The following ZNF266 variants were observed in gnomAD, a reference collection of about 807,000 sequenced individuals.
ZNF266 encodes the protein zinc finger protein 266.
Under a neutral mutation model 16.4 loss-of-function variants are expected in ZNF266, and 16 were observed. The observed-to-expected ratio is 0.98, with a 90% CI of 0.66 to 1.48. The LOEUF is 1.48. Ranked by LOEUF, ZNF266 falls within the 40% of genes most tolerant of loss-of-function variation. The probability of loss-of-function intolerance (pLI) is 0.00; values close to 1 mark genes in which losing one functional copy is unlikely to be tolerated. For missense variants in ZNF266, 738 were observed against 689.1 expected (o/e 1.07, Z -0.79); for synonymous variants, 262 against 237.9 (o/e 1.10, Z -0.93).
Position 9,413,474 on chromosome 19 carries a change from C to T in ZNF266, c.1652G>A (p.Arg551Gln), listed in dbSNP as rs199586267. The change falls in exon 11 of 11, where the codon CGG becomes CAG. Residue 551 changes from arginine (R) to glutamine (Q), a missense_variant. By Grantham distance (43) the Arg-to-Gln change is conservative. Coordinates refer to ENST00000592904, the MANE Select transcript of ZNF266 (RefSeq NM_001370374.1). ...GTAGGGTTTTTCTCCAGTGTGGATC[C>T]GCATGTGAAGGTTAACACACGTGGG... ...KFPTCVNLHM[R>Q]IHTGEKPYKC... 9.5e-5 allele frequency: 153 copies of T among 1,611,722 alleles called. No individual in the cohort carries two copies. Among genetic ancestry groups the T allele is most frequent in the Non-Finnish European group, 1.1e-4 (134 of 1,178,720 alleles).
Position 9,418,014 on chromosome 19 carries a change from TA to T in ZNF266, c.236-107del, listed in dbSNP as rs2069321684. ...TCCAATGGAAGCAGTGAAATTATTT[TA>T]AAAGGGCTAAAAATGCAAATATCGT... On this transcript the variant is annotated intron_variant, in intron 8 of 10. Coordinates refer to ENST00000592904, the MANE Select transcript of ZNF266 (RefSeq NM_001370374.1). 4.3e-6 allele frequency: 5 copies of T among 1,155,898 alleles called. No individual in the cohort carries two copies. In the East Asian group the frequency reaches 7.2e-5, roughly 17 times the overall value. The allele number at this position is 1,155,898 out of a possible 1,614,324, so 71.6% of individuals were successfully genotyped here.
intron 9 of ZNF266, among the ~76,000 whole-genome samples, chr19:9,416,434 G>T (rs2069013003): frequency 6.7e-6 from 1 of 150,132 alleles, no homozygotes; most frequent in Non-Finnish European, 1.5e-5. Context: ...AACAATCTCG[G>T]CTCACTGCAA....
At chr19:9,416,923 A>C (rs2069122615) in intron 9 of ZNF266, among the ~76,000 whole-genome samples, 1 of 151,506 alleles carries the variant, frequency 6.6e-6, no homozygotes, top group Non-Finnish European at 1.5e-5. Context: ...TGCCCGCCTC[A>C]GCCTCCCAAA....
chr19:9,416,569 G>A (rs928800002), intron 9 of ZNF266, among the ~76,000 whole-genome samples: 1 of 150,298 alleles, frequency 6.7e-6, no homozygotes, highest in African/African-American at 2.5e-5. Flanking sequence ...TCAGCATGTT[G>A]GCCATGCTGG....
rs534810002 is a variant in ZNF266, at chr19:9,418,061, T to C, written c.236-153A>G. ...ATCGTCTGTCTGTGCCCCCAAAAGA[T>C]TGGTGATCTCTGATCCCTGAAGCCC... On this transcript the variant is annotated intron_variant, in intron 8 of 10. Coordinates refer to ENST00000592904, the MANE Select transcript of ZNF266 (RefSeq NM_001370374.1). Among the ~76,000 whole-genome samples the C allele has an allele frequency of 1.3e-4, 20 of 152,328 alleles. 1 individual carries two copies. Among genetic ancestry groups the C allele is most frequent in the South Asian group, 1.0e-3 (5 of 4,824 alleles).
Position 9,418,500 on chromosome 19 carries a change from C to G in ZNF266, c.235+5G>C. ...GTAGGCTACAAGGGATGAGGCCAGT[C>G]TTACCTACTGTGGCCAAATTCTTGT... On this transcript the variant is annotated splice_donor_5th_base_variant and intron_variant, in intron 8 of 10. Transcript: ENST00000592904. The G allele has an allele frequency of 6.2e-7, 1 of 1,614,166 alleles. No individual in the cohort carries two copies. The highest frequency in any genetic ancestry group is 8.5e-7 in the Non-Finnish European group (1 of 1,179,990).
Position 9,413,273 on chromosome 19 carries a change from C to A in ZNF266, c.*2G>T. The A allele has an allele frequency of 6.4e-7, 1 of 1,572,030 alleles. No individual in the cohort carries two copies. The highest frequency in any genetic ancestry group is 2.2e-5 in the East Asian group (1 of 44,610). On this transcript the variant is annotated 3_prime_UTR_variant, in exon 11 of 11. Coordinates refer to ENST00000592904, the MANE Select transcript of ZNF266 (RefSeq NM_001370374.1). Reference sequence around the variant, plus strand: ...GGACACCTTTAGGTTTTCCCACATTCCTTATGCTGACAGTCTCTCATCCGC... The same window carrying A: ...GGACACCTTTAGGTTTTCCCACATTACTTATGCTGACAGTCTCTCATCCGC...
rs772502342 is a variant in ZNF266, at chr19:9,417,860, T to TCTTC, written c.280_283dup (p.Glu95GlyfsTer4). ...ATCACCTCTCTGCACTGTCCTAGAC[T>TCTTC]CTTCTTGTTCCAGCCAAGAGATCAG... On this transcript the variant is annotated frameshift_variant, in exon 9 of 11. Coordinates refer to ENST00000592904, the MANE Select transcript of ZNF266 (RefSeq NM_001370374.1). LOFTEE classifies it high-confidence loss of function. 8.1e-6 allele frequency: 13 copies of TCTTC among 1,614,142 alleles called. No individual in the cohort carries two copies. The highest frequency in any genetic ancestry group is 1.1e-5 in the Non-Finnish European group (13 of 1,179,996).
intron 9 of ZNF266, among the ~76,000 whole-genome samples, chr19:9,416,062 T>C (rs565071630): frequency 6.6e-6 from 1 of 152,234 alleles, no homozygotes; most frequent in African/African-American, 2.4e-5. Context: ...GACCTCGTGA[T>C]CCACACGCCT....
chr19:9,427,431 T>C (rs576489176), intron 5 of ZNF266, among the ~76,000 whole-genome samples: 5 of 152,174 alleles, frequency 3.3e-5, no homozygotes, highest in African/African-American at 9.6e-5. Flanking sequence ...AGGGATTCTA[T>C]TGCCTCAGCC....
chr19:9,421,839 G>A (rs1300647707), intron 5 of ZNF266, among the ~76,000 whole-genome samples: 1 of 142,150 alleles, frequency 7.0e-6, no homozygotes, highest in East Asian at 2.0e-4. Flanking sequence ...TATTTTTGGA[G>A]CAACAAAACC....
Position 9,413,513 on chromosome 19 carries a change from T to C in ZNF266, c.1613A>G (p.Lys538Arg), listed in dbSNP as rs552878304. Residue 538 changes from lysine to arginine, a missense_variant, in exon 11 of 11, where the codon AAA becomes AGA. Physicochemically the swap from Lys to Arg is conservative, Grantham distance 26. Coordinates refer to ENST00000592904, the MANE Select transcript of ZNF266 (RefSeq NM_001370374.1). ...AACACACGTGGGAAACTTAAAAGCT[T>C]TGCCACATTCCATACACGTGAATGG... ...KKPFTCMECG[K>R]AFKFPTCVNL... The C allele has an allele frequency of 1.2e-6, 2 of 1,613,236 alleles. No homozygotes were observed. The highest frequency in any genetic ancestry group is 1.7e-6 in the Non-Finnish European group (2 of 1,179,434).
At chr19:9,418,045 C>T in intron 8 of ZNF266, 137 bp from the exon 9 acceptor site, 1 of 872,882 alleles carries the variant, frequency 1.1e-6, no homozygotes, top group African/African-American at 1.7e-5. Context: ...TATCGTCTGT[C>T]TGTGCCCCCA....
intron 9 of ZNF266, among the ~76,000 whole-genome samples, chr19:9,417,113 GT>G (rs1220510266): frequency 1.3e-5 from 2 of 151,760 alleles, no homozygotes; most frequent in East Asian, 4.0e-4. Flanking sequence ...GCTCATGCCT[GT>G]AATCCCAGCA....
intron 5 of ZNF266, among the ~76,000 whole-genome samples, chr19:9,420,904 T>A (rs1337630223): frequency 1.3e-5 from 2 of 152,178 alleles, no homozygotes; most frequent in African/African-American, 4.8e-5. Flanking sequence ...GTGGCTGCTC[T>A]TACTTTCCCA....
intron 5 of ZNF266, among the ~76,000 whole-genome samples, chr19:9,425,847 A>G (rs909792346): frequency 1.3e-5 from 2 of 152,180 alleles, no homozygotes; most frequent in Non-Finnish European, 2.9e-5. Flanking sequence ...GCTGGGCTGG[A>G]GGAAGCCAAC....
chr19:9,414,193 C>T lies in ZNF266; in HGVS notation c.933G>A (p.Glu311=), dbSNP rs755052722. The change falls in exon 11 of 11, where the codon GAG becomes GAA. Residue 311 remains glutamate (E), a synonymous_variant. Transcript: ENST00000592904. ...HTGDNPYECK[E]CGKAFTRSCQ... is the part of the protein sequence containing the mutation. The stretch of plus-strand genomic sequence containing the variant: ...AAGACCTGGTGAAGGCTTTCCCACA[C>T]TCCTTACACTCATAGGGATTGTCTC... 6.2e-7 allele frequency: 1 copy of T among 1,613,942 alleles called. No homozygotes were observed. Among genetic ancestry groups the T allele is most frequent in the East Asian group, 2.2e-5 (1 of 44,886 alleles).
chr19:9,422,676 A>G (rs922839435), intron 5 of ZNF266, among the ~76,000 whole-genome samples: 5 of 152,214 alleles, frequency 3.3e-5, no homozygotes, highest in South Asian at 2.1e-4. Flanking sequence ...CCCGAGTCCA[A>G]TGACTAGCTC....
rs376057461 is a variant in ZNF266 at position 9,417,885 on chromosome 19, G to C, written c.259C>G (p.Leu87Val). ...TVGYQLFKPS[L>V]ISWLEQEESR... is the part of the protein sequence containing the mutation. ...TCTTCTTGTTCCAGCCAAGAGATCA[G>C]ACTGGGTTTGAAGAGCTGATATCCT... is the stretch of plus-strand genomic sequence containing the variant. The change falls in exon 9 of 11, where the codon CTG becomes GTG. Residue 87 changes from leucine to valine, a missense_variant. By Grantham distance (32) the Leu-to-Val change is conservative (BLOSUM62 1). Transcript: ENST00000592904. 2.5e-5 allele frequency: 40 copies of C among 1,614,112 alleles called. No homozygotes were observed. The highest frequency in any genetic ancestry group is 3.4e-5 in the Non-Finnish European group (40 of 1,180,012).
Sources: allele counts gnomAD v4.1 joint callset (sites outside exome capture counted in the v4.1 genomes callset), GRCh38; gene constraint gnomAD v4.1.1; transcripts MANE v1.5; gene names NCBI Gene and HGNC (gene_info 2026-07-23, HGNC 2026-07-21).